Variants in MS4A4E observed in about 807,000 individuals in gnomAD.
MS4A4E encodes the protein membrane spanning 4-domains A4E, also known as putative membrane-spanning 4-domains subfamily A member 4E.
A neutral mutation model predicts 13.3 loss-of-function variants in MS4A4E; 23 were observed. The observed-to-expected ratio is 1.73, with a 90% confidence interval of 1.25 to 2.45. MS4A4E has a LOEUF of 2.45. Among genes scored for constraint, MS4A4E ranks in the 30% most tolerant of loss-of-function variants. The pLI is 0.00. For synonymous variants in MS4A4E, 36 were observed against 45.6 expected, an observed-to-expected ratio of 0.79 and a Z score of 0.85; for missense variants, 144 against 131.2, an observed-to-expected ratio of 1.10 and a Z score of -0.48.
intron 1 of MS4A4E, among the ~76,000 whole-genome samples, chr11:60,242,727 A>G (rs1256918747): frequency 6.6e-6 from 1 of 152,180 alleles, no homozygotes; most frequent in Admixed American, 6.5e-5. Flanking sequence ...AGCCTTTAGG[A>G]GGCTTTTCTA....
At chr11:60,221,930 CCT>C (rs1417607278) in intron 3 of MS4A4E, among the ~76,000 whole-genome samples, 4 of 152,246 alleles carry the variant, frequency 2.6e-5, no homozygotes, top group South Asian at 4.1e-4. Context: ...TCCAGCCACC[CCT>C]GTCATTGCCC....
chr11:60,236,134 T>A (rs1273732159), intron 1 of MS4A4E, among the ~76,000 whole-genome samples: 1 of 152,194 alleles, frequency 6.6e-6, no homozygotes, highest in Non-Finnish European at 1.5e-5. Flanking sequence ...TTTTAGACAA[T>A]TTTATTCAAT....
At chr11:60,236,560 T>C (rs1044384108) in intron 1 of MS4A4E, among the ~76,000 whole-genome samples, 1 of 152,116 alleles carries the variant, frequency 6.6e-6, no homozygotes, top group Non-Finnish European at 1.5e-5. Context: ...AAGGAGATTG[T>C]TGTCTTAATT....
intron 3 of MS4A4E, among the ~76,000 whole-genome samples, chr11:60,220,523 A>T (rs960179675): frequency 6.6e-6 from 1 of 152,134 alleles, no homozygotes; most frequent in African/African-American, 2.4e-5. Context: ...GGAGATCTTG[A>T]TCACTTTTCC....
chr11:60,223,999 G>A (rs1247375634), intron 3 of MS4A4E, among the ~76,000 whole-genome samples: 1 of 152,096 alleles, frequency 6.6e-6, no homozygotes, highest in East Asian at 1.9e-4. Flanking sequence ...GTGAAGGGGA[G>A]CAAAAATTAA....
chr11:60,206,522 C>CAT (rs1218201643), intron 6 of MS4A4E, among the ~76,000 whole-genome samples: 2 of 77,062 alleles, frequency 2.6e-5, no homozygotes, highest in African/African-American at 5.8e-5. Flanking sequence ...TACACACACA[C>CAT]ACACACAGAG....
intron 4 of MS4A4E, among the ~76,000 whole-genome samples, chr11:60,213,805 G>A (rs979849378): frequency 6.6e-6 from 1 of 152,148 alleles, no homozygotes; most frequent in African/African-American, 2.4e-5. Flanking sequence ...ATCTTGACAT[G>A]AGAGTTACAT....
chr11:60,207,099 T>C (rs778079594), intron 6 of MS4A4E, among the ~76,000 whole-genome samples: 3 of 152,204 alleles, frequency 2.0e-5, no homozygotes, highest in Non-Finnish European at 4.4e-5. Context: ...ACCCAAATCA[T>C]GATTTGCTGG....
chr11:60,236,733 G>T (rs1254496825), intron 1 of MS4A4E, among the ~76,000 whole-genome samples: 1 of 142,782 alleles, frequency 7.0e-6, no homozygotes, highest in Non-Finnish European at 1.5e-5. Flanking sequence ...TATCATCCAG[G>T]TTTTTTTTTT....
intron 6 of MS4A4E, among the ~76,000 whole-genome samples, chr11:60,206,117 G>A (rs2084037856): frequency 6.6e-6 from 1 of 152,084 alleles, no homozygotes. Flanking sequence ...GGATGGGGGA[G>A]AAGGGCATGA....
At chr11:60,206,487 A>ACG (rs1328328228) in intron 6 of MS4A4E, among the ~76,000 whole-genome samples, 2 of 65,836 alleles carry the variant, frequency 3.0e-5, no homozygotes, top group African/African-American at 8.6e-5. Context: ...ATATATATAT[A>ACG]TGTATATATA....
intron 5 of MS4A4E, among the ~76,000 whole-genome samples, chr11:60,210,412 C>G (rs936165305): frequency 5.3e-5 from 8 of 152,142 alleles, no homozygotes; most frequent in Non-Finnish European, 1.0e-4. Context: ...GAAATGAATG[C>G]AGGACCAGCT....
At chr11:60,208,112 C>T (rs1289111113) in intron 6 of MS4A4E, among the ~76,000 whole-genome samples, 2 of 152,170 alleles carry the variant, frequency 1.3e-5, no homozygotes, top group African/African-American at 2.4e-5. Flanking sequence ...TCACTGACCC[C>T]TTGTGATTCC....
chr11:60,205,901 A>G (rs1292208573), intron 6 of MS4A4E, among the ~76,000 whole-genome samples, 81 bp from the exon 7 acceptor site: 1 of 152,230 alleles, frequency 6.6e-6, no homozygotes, highest in Non-Finnish European at 1.5e-5. Context: ...CACAGGATAC[A>G]CATTTGATTA....
intron 3 of MS4A4E, among the ~76,000 whole-genome samples, chr11:60,216,598 A>C (rs2084197320): frequency 6.6e-6 from 1 of 150,492 alleles, no homozygotes. Context: ...CATTGGTAAT[A>C]TATATATTAT....
intron 3 of MS4A4E, among the ~76,000 whole-genome samples, chr11:60,224,175 C>G (rs1488830316): frequency 6.6e-6 from 1 of 152,106 alleles, no homozygotes; most frequent in African/African-American, 2.4e-5. Flanking sequence ...ATTTTACTTT[C>G]AATTTGCATC....
intron 1 of MS4A4E, among the ~76,000 whole-genome samples, chr11:60,232,321 A>ACACACACACACACACACACC (rs556719466): frequency 6.8e-6 from 1 of 147,324 alleles, no homozygotes; most frequent in African/African-American, 2.5e-5. Context: ...ACACACACAC[A>ACACACACACACACACACACC]CCAAAAATGA....
chr11:60,230,147 C>T (rs2084390605), intron 1 of MS4A4E, 76 bp from the exon 2 acceptor site: 1 of 1,459,286 alleles, frequency 6.9e-7, no homozygotes, highest in African/African-American at 1.4e-5. Context: ...GGGCAGATTC[C>T]TCCCTAAGGA....
intron 3 of MS4A4E, chr11:60,224,994 C>A (rs1304524824): frequency 3.9e-6 from 6 of 1,537,332 alleles, no homozygotes; most frequent in Non-Finnish European, 5.2e-6. Flanking sequence ...GTGTACGCAA[C>A]ATACACAAAA....
Sources: allele counts gnomAD v4.1 joint callset (sites outside exome capture counted in the v4.1 genomes callset), GRCh38; gene constraint gnomAD v4.1.1; transcripts MANE v1.5; gene names NCBI Gene and HGNC (gene_info 2026-07-23, HGNC 2026-07-21).